EPHA4: variants seen among roughly 807,000 people sequenced by gnomAD.
The protein encoded by EPHA4 is ephrin type-A receptor 4.
EPHA4 carries 19 observed loss-of-function variants against 108.3 expected under a neutral mutation model. The ratio of observed to expected loss-of-function variants is 0.18; its 90% CI spans 0.12 to 0.26. EPHA4 has a LOEUF of 0.26. Among genes scored for constraint, EPHA4 ranks in the 10% least tolerant of loss-of-function variants. EPHA4 has a pLI of 1.00. For missense variants in EPHA4, 917 were observed against 1,254.0 expected, an observed-to-expected ratio of 0.73 and a Z score of 4.06; for synonymous variants, 449 against 455.5, an observed-to-expected ratio of 0.99 and a Z score of 0.18.
intron 3 of EPHA4, among the ~76,000 whole-genome samples, chr2:221,527,248 T>C (rs1486161643): frequency 6.6e-6 from 1 of 152,234 alleles, no homozygotes; most frequent in African/African-American, 2.4e-5. Flanking sequence ...GGATTCTTAT[T>C]AATAACCCTG....
At chr2:221,561,167 G>A (rs567495906) in intron 3 of EPHA4, among the ~76,000 whole-genome samples, 87 of 152,116 alleles carry the variant, frequency 5.7e-4, no homozygotes, top group African/African-American at 1.8e-3. Flanking sequence ...GAGTGAACCC[G>A]GGAGGCAGAG....
intron 8 of EPHA4, among the ~76,000 whole-genome samples, chr2:221,449,652 T>C (rs1690708527): frequency 2.0e-5 from 3 of 152,174 alleles, no homozygotes; most frequent in Admixed American, 6.5e-5. Context: ...GCGTGAGCCC[T>C]CTCAACCAAC....
At chr2:221,493,573 G>A (rs1461824890) in intron 4 of EPHA4, among the ~76,000 whole-genome samples, 2 of 152,138 alleles carry the variant, frequency 1.3e-5, no homozygotes, top group Non-Finnish European at 2.9e-5. Context: ...AGCACCGGTC[G>A]AATCGACATT....
rs3835964 is a variant in EPHA4 at position 221,566,884 on chromosome 2, G to T, written c.159+1834C>A. ...GAAGAAGAAGAAGAAGAAGGAGAAG[G>T]AGAAGGAGAAGGAGAAGGAGAAGGA... On this transcript the variant is annotated intron_variant, in intron 2 of 17. Coordinates refer to ENST00000281821, the MANE Select transcript of EPHA4 (RefSeq NM_004438.5). 5.7e-4 allele frequency among the ~76,000 whole-genome samples: 22 copies of T among 38,820 alleles called. 2 individuals carry two copies. Among genetic ancestry groups the T allele is most frequent in the African/African-American group, 5.4e-4 (4 of 7,418 alleles). The allele number at this position is 38,820 out of a possible 152,430, so 25.5% of individuals were successfully genotyped here. A position where few individuals can be genotyped will look rare whatever the true frequency, so the allele number is the denominator to read the frequency against.
chr2:221,434,142 A>G lies in EPHA4; in HGVS notation c.2496T>C (p.Asp832=), dbSNP rs749973188. The G allele has an allele frequency of 6.2e-7, 1 of 1,611,580 alleles. No homozygotes were observed. Residue 832 remains aspartate, a splice_region_variant and synonymous_variant, in exon 14 of 18, where the codon GAT becomes GAC. Transcript: ENST00000281821. ...ERPYWDMSNQ[D]VIKAIEEGYR... ...TATATTTCAGAACATAGAGACTTAC[A>G]TCTTGATTGGACATATCCCAATAGG...
intron 5 of EPHA4, among the ~76,000 whole-genome samples, chr2:221,466,730 T>G (rs1691324717): frequency 6.6e-6 from 1 of 152,272 alleles, no homozygotes; most frequent in Middle Eastern, 3.4e-3. Context: ...GGTACTATTA[T>G]TATCCTCATT....
At chr2:221,528,586 C>G (rs1170541530) in intron 3 of EPHA4, among the ~76,000 whole-genome samples, 2 of 152,116 alleles carry the variant, frequency 1.3e-5, no homozygotes, top group African/African-American at 4.8e-5. Flanking sequence ...TAAACAGTAC[C>G]TCATTTAATT....
chr2:221,538,029 A>C (rs150318623), intron 3 of EPHA4, among the ~76,000 whole-genome samples: 319 of 151,932 alleles, frequency 2.1e-3, no homozygotes, highest in Admixed American at 3.7e-3. Context: ...CTTTAGAATT[A>C]TACAGACTCT....
chr2:221,555,999 C>G (rs539182107), intron 3 of EPHA4, among the ~76,000 whole-genome samples: 1 of 152,190 alleles, frequency 6.6e-6, no homozygotes, highest in South Asian at 2.1e-4. Flanking sequence ...TGTTACCTTC[C>G]AAAGAAACTG....
chr2:221,493,774 G>A (rs1402055602), intron 4 of EPHA4, among the ~76,000 whole-genome samples: 1 of 152,236 alleles, frequency 6.6e-6, no homozygotes, highest in East Asian at 1.9e-4. Flanking sequence ...CAAAGTAAGT[G>A]ATGTTTGTTG....
chr2:221,522,428 C>G (rs932262420), intron 3 of EPHA4, among the ~76,000 whole-genome samples: 1 of 152,128 alleles, frequency 6.6e-6, no homozygotes, highest in South Asian at 2.1e-4. Flanking sequence ...CACAATTAAT[C>G]AAAACTTAGC....
intron 5 of EPHA4, among the ~76,000 whole-genome samples, chr2:221,479,061 A>T (rs1476442013): frequency 6.6e-6 from 1 of 152,216 alleles, no homozygotes; most frequent in Non-Finnish European, 1.5e-5. Context: ...CATTCACACC[A>T]CATTCTACAA....
intron 3 of EPHA4, among the ~76,000 whole-genome samples, chr2:221,513,609 G>A (rs1028803640): frequency 1.3e-5 from 2 of 152,066 alleles, no homozygotes; most frequent in African/African-American, 2.4e-5. Context: ...CTCTGCTGAG[G>A]TTTTTAATCC....
At chr2:221,525,214 G>A (rs368927051) in intron 3 of EPHA4, among the ~76,000 whole-genome samples, 38 of 152,216 alleles carry the variant, frequency 2.5e-4, no homozygotes, top group African/African-American at 7.7e-4. Context: ...ATCTGTCCCC[G>A]GCAATGTGAG....
intron 5 of EPHA4, among the ~76,000 whole-genome samples, chr2:221,461,716 C>A (rs951113902): frequency 6.6e-6 from 1 of 152,108 alleles, no homozygotes; most frequent in Non-Finnish European, 1.5e-5. Context: ...AATACTTTAG[C>A]CTCTTCTTAA....
rs532685510 is a variant in EPHA4, at chr2:221,556,701, T to C, written c.823+7030A>G. 3.9e-5 allele frequency among the ~76,000 whole-genome samples: 6 copies of C among 152,196 alleles called. No homozygotes were observed. The South Asian group carries it at 1.2e-3, about 32-fold the overall frequency. The stretch of plus-strand genomic sequence containing the variant: ...ATATCCATGATTTGGCTTTCTGTGG[T>C]TTTGCCTACCGAAGGTACAGTACAG... On this transcript the variant is annotated intron_variant, in intron 3 of 17. Transcript: ENST00000281821.
intron 3 of EPHA4, among the ~76,000 whole-genome samples, chr2:221,541,202 A>C (rs1467337199): frequency 6.6e-6 from 1 of 152,088 alleles, no homozygotes; most frequent in African/African-American, 2.4e-5. Flanking sequence ...ATCACATCTC[A>C]GCCTCTCAAA....
At chr2:221,503,842 C>CT (rs150117003) in intron 3 of EPHA4, among the ~76,000 whole-genome samples, 3,481 of 152,292 alleles carry the variant, frequency 0.023, 81 homozygotes, top group East Asian at 0.076. Flanking sequence ...ATAGTAGTGG[C>CT]TTTTCACGCA....
intron 4 of EPHA4, among the ~76,000 whole-genome samples, chr2:221,498,208 C>G (rs527647913): frequency 6.6e-6 from 1 of 152,260 alleles, no homozygotes; most frequent in South Asian, 2.1e-4. Flanking sequence ...GGAGAAAGAG[C>G]CAGGACCTCC....
Sources: gnomAD v4.1 joint callset for allele counts (sites outside exome capture counted in the v4.1 genomes callset) on GRCh38, gnomAD v4.1.1 for gene constraint, MANE v1.5 for transcripts, NCBI Gene and HGNC (gene_info 2026-07-23, HGNC 2026-07-21) for gene names.